CDH8: variants seen among roughly 807,000 people sequenced by gnomAD.
CDH8 encodes the protein cadherin 8.
A neutral mutation model predicts 68.1 loss-of-function variants in CDH8; 17 were observed. The ratio of observed to expected loss-of-function variants is 0.25; its 90% CI spans 0.17 to 0.37. The LOEUF (loss-of-function observed/expected upper bound fraction) is 0.37. CDH8 is among the 10% of genes least tolerant of loss of function. The pLI, the probability that CDH8 is intolerant of heterozygous loss-of-function variation, is 1.00. For missense variants in CDH8, 763 were observed against 999.3 expected (o/e 0.76, Z 3.19); for synonymous variants, 372 against 365.1 (o/e 1.02, Z -0.21).
chr16:61,789,971 G>A (rs909368074), intron 7 of CDH8, among the ~76,000 whole-genome samples: 3 of 151,986 alleles, frequency 2.0e-5, no homozygotes, highest in Admixed American at 6.6e-5. Context: ...GGTGGTGGTC[G>A]TTTGTTTTGT....
chr16:61,773,826 T>C (rs1337062732), intron 8 of CDH8, among the ~76,000 whole-genome samples: 1 of 152,108 alleles, frequency 6.6e-6, no homozygotes, highest in Non-Finnish European at 1.5e-5. Flanking sequence ...GGGTGATATG[T>C]GAGGTGAGTC....
intron 3 of CDH8, among the ~76,000 whole-genome samples, chr16:61,899,298 G>T (rs1963926380): frequency 6.6e-6 from 1 of 152,138 alleles, no homozygotes; most frequent in Admixed American, 6.6e-5. Flanking sequence ...TACATAGTTT[G>T]ATTTTTAATG....
intron 2 of CDH8, among the ~76,000 whole-genome samples, chr16:61,915,837 G>A (rs1299575109): frequency 6.6e-6 from 1 of 152,114 alleles, no homozygotes; most frequent in East Asian, 1.9e-4. Context: ...AGAAGAATAA[G>A]CTTTTGGGAA....
At chr16:61,908,558 A>C (rs1284264235) in intron 2 of CDH8, among the ~76,000 whole-genome samples, 1 of 152,204 alleles carries the variant, frequency 6.6e-6, no homozygotes, top group Non-Finnish European at 1.5e-5. Flanking sequence ...TCTCACAATG[A>C]ATGTTACCAA....
intron 8 of CDH8, among the ~76,000 whole-genome samples, chr16:61,769,357 A>G (rs1174167902): frequency 6.6e-6 from 1 of 151,876 alleles, no homozygotes; most frequent in Non-Finnish European, 1.5e-5. Context: ...ATACAACAAC[A>G]TAGAAAGGTA....
At chr16:61,911,823 C>G (rs972286808) in intron 2 of CDH8, among the ~76,000 whole-genome samples, 4 of 151,830 alleles carry the variant, frequency 2.6e-5, no homozygotes, top group Non-Finnish European at 5.9e-5. Context: ...ATCAGCCAAA[C>G]AAAAGAAGTG....
chr16:61,751,559 G>A (rs960393664), intron 8 of CDH8, among the ~76,000 whole-genome samples: 1 of 152,080 alleles, frequency 6.6e-6, no homozygotes. Context: ...TCTCAAATGT[G>A]CAGAATGCAT....
At chr16:62,030,600 A>G (rs547503443) in intron 1 of CDH8, among the ~76,000 whole-genome samples, 10 of 152,170 alleles carry the variant, frequency 6.6e-5, no homozygotes, top group Non-Finnish European at 1.5e-4. Context: ...TGTATCATTT[A>G]TGTCACATCT....
At chr16:61,881,930 G>A (rs1963586237) in intron 3 of CDH8, among the ~76,000 whole-genome samples, 1 of 152,090 alleles carries the variant, frequency 6.6e-6, no homozygotes, top group Non-Finnish European at 1.5e-5. Flanking sequence ...TTGGATCCCA[G>A]GTATCTAAGC....
At chr16:61,872,871 C>T (rs1963394705) in intron 3 of CDH8, among the ~76,000 whole-genome samples, 1 of 152,134 alleles carries the variant, frequency 6.6e-6, no homozygotes, top group South Asian at 2.1e-4. Context: ...CAAAGAGACA[C>T]TTCAGAAGGC....
At chr16:61,896,876 A>G (rs2143233053) in intron 3 of CDH8, among the ~76,000 whole-genome samples, 1 of 152,172 alleles carries the variant, frequency 6.6e-6, no homozygotes, top group African/African-American at 2.4e-5. Context: ...CAATGAAAGC[A>G]ACATAAAAGT....
intron 10 of CDH8, among the ~76,000 whole-genome samples, chr16:61,712,424 T>A (rs1266261887): frequency 6.6e-6 from 1 of 151,680 alleles, no homozygotes; most frequent in East Asian, 1.9e-4. Flanking sequence ...AACTTATTCA[T>A]GGAGAATTTT....
At chr16:61,660,998 A>G (rs187736863) in intron 10 of CDH8, among the ~76,000 whole-genome samples, 26 of 152,158 alleles carry the variant, frequency 1.7e-4, no homozygotes, top group Admixed American at 1.4e-3. Flanking sequence ...AAAGAGTATC[A>G]GAGACAATAA....
chr16:61,910,224 AT>A (rs1020186749), intron 2 of CDH8, among the ~76,000 whole-genome samples: 4 of 151,902 alleles, frequency 2.6e-5, no homozygotes, highest in African/African-American at 4.8e-5. Flanking sequence ...TGCCCATTTA[AT>A]TTTTTTAAAA....
rs537715154 is a variant in CDH8 at position 61,662,224 on chromosome 16, G to A, written c.1655-6503C>T. Among the ~76,000 whole-genome samples the A allele has an allele frequency of 4.0e-3, 605 of 151,308 alleles. 7 individuals are homozygous for A. The highest frequency in any genetic ancestry group is 0.014 in the African/African-American group (577 of 41,360). ...AACTTGGCTTCAATTTTACTCATAC[G>A]TTATTCAACAATCTTCTTTTCAGTC... On this transcript the variant is annotated intron_variant, in intron 10 of 11. Transcript: ENST00000577390.
chr16:61,652,786 T>C lies in CDH8; in HGVS notation c.*822A>G, dbSNP rs952067859. 11 of 1,344,280 alleles carry C rather than the reference T, an allele frequency of 8.2e-6. No individual in the cohort carries two copies. The highest frequency in any genetic ancestry group is 6.7e-5 in the Admixed American group (2 of 29,648). The allele number at this position is 1,344,280 out of a possible 1,614,324, so 83.3% of individuals were successfully genotyped here. ...TTATTTCGAGGATTAAACAAATAAA[T>C]TCACGCGCTAGCAATAAAACCATCT... is the stretch of plus-strand genomic sequence containing the variant. On this transcript the variant is annotated 3_prime_UTR_variant, in exon 12 of 12. Transcript: ENST00000577390.
At chr16:61,980,291 G>T (rs960374307) in intron 2 of CDH8, among the ~76,000 whole-genome samples, 36 of 152,158 alleles carry the variant, frequency 2.4e-4, no homozygotes, top group African/African-American at 8.7e-4. Context: ...CAAAATCTCT[G>T]TGCCAGAATG....
rs575011610 is a variant in CDH8, at chr16:61,749,536, G to A, written c.1415-22321C>T. 2.4e-4 allele frequency among the ~76,000 whole-genome samples: 37 copies of A among 151,938 alleles called. 1 individual carries two copies. The highest frequency in any genetic ancestry group is 5.3e-4 in the Admixed American group (8 of 15,220). Reference sequence around the variant, plus strand: ...GGAGAAAAATTTTGAGTCTTTTTTTGTTCAAGGTTGTATTCCACATATTGT... The same window carrying A: ...GGAGAAAAATTTTGAGTCTTTTTTTATTCAAGGTTGTATTCCACATATTGT... On this transcript the variant is annotated intron_variant, in intron 8 of 11. Transcript: ENST00000577390.
intron 10 of CDH8, among the ~76,000 whole-genome samples, chr16:61,685,246 G>A (rs939709488): frequency 5.9e-5 from 9 of 151,488 alleles, no homozygotes; most frequent in Non-Finnish European, 1.2e-4. Flanking sequence ...ATGACAAGGT[G>A]TAAGAGATTG....
Sources: gnomAD v4.1 joint callset for allele counts (sites outside exome capture counted in the v4.1 genomes callset) on GRCh38, gnomAD v4.1.1 for gene constraint, MANE v1.5 for transcripts, NCBI Gene and HGNC (gene_info 2026-07-23, HGNC 2026-07-21) for gene names.